Variants in PTPRD observed in about 807,000 individuals in gnomAD.
PTPRD encodes receptor-type tyrosine-protein phosphatase delta.
In PTPRD, 34 loss-of-function variants were observed where a neutral mutation model predicts 214.5. The ratio of observed to expected loss-of-function variants is 0.16; its 90% CI spans 0.12 to 0.21. The LOEUF (loss-of-function observed/expected upper bound fraction) is 0.21. Ranked by LOEUF, PTPRD falls within the 10% of genes least tolerant of loss-of-function variation. The probability of loss-of-function intolerance (pLI) is 1.00; values close to 1 mark genes in which losing one functional copy is unlikely to be tolerated. For synonymous variants in PTPRD, 1,128 were observed against 845.7 expected (o/e 1.33, Z -5.79); for missense variants, 2,545 against 2,398.7 (o/e 1.06, Z -1.27).
At chr9:9,644,195 G>T (rs752222342) in intron 7 of PTPRD, among the ~76,000 whole-genome samples, 3 of 152,074 alleles carry the variant, frequency 2.0e-5, no homozygotes, top group Non-Finnish European at 4.4e-5. Context: ...ATGCATTGTC[G>T]TAGCCTTATC....
At chr9:8,688,817 T>C (rs1004937407) in intron 12 of PTPRD, among the ~76,000 whole-genome samples, 4 of 152,278 alleles carry the variant, frequency 2.6e-5, no homozygotes, top group Admixed American at 2.6e-4. Flanking sequence ...ACATTCAGTC[T>C]CAATTTTCTC....
At chr9:8,854,344 G>C (rs1312888246) in intron 11 of PTPRD, among the ~76,000 whole-genome samples, 2 of 152,138 alleles carry the variant, frequency 1.3e-5, no homozygotes, top group African/African-American at 4.8e-5. Flanking sequence ...ACTAAGGAAG[G>C]ATAGTTTTAA....
At chr9:8,827,684 C>T (rs2097203958) in intron 11 of PTPRD, among the ~76,000 whole-genome samples, 1 of 152,086 alleles carries the variant, frequency 6.6e-6, no homozygotes, top group Non-Finnish European at 1.5e-5. Context: ...GTAATCAGCT[C>T]ATCATTTATA....
intron 11 of PTPRD, among the ~76,000 whole-genome samples, chr9:8,942,347 G>A (rs2099039249): frequency 6.6e-6 from 1 of 152,108 alleles, no homozygotes; most frequent in Non-Finnish European, 1.5e-5. Context: ...CTTTTGGCCA[G>A]TTCCACTGCT....
At chr9:9,095,610 G>A (rs560434217) in intron 10 of PTPRD, among the ~76,000 whole-genome samples, 6 of 152,136 alleles carry the variant, frequency 3.9e-5, no homozygotes, top group East Asian at 1.9e-4. Context: ...AATTATAGAC[G>A]AGCCACCACA....
At chr9:9,406,590 G>C (rs531986486) in intron 8 of PTPRD, among the ~76,000 whole-genome samples, 1 of 151,940 alleles carries the variant, frequency 6.6e-6, no homozygotes, top group East Asian at 1.9e-4. Flanking sequence ...ATAAGAGGGA[G>C]AATTTTGATA....
chr9:10,102,598 A>G (rs991518188), intron 3 of PTPRD, among the ~76,000 whole-genome samples: 1 of 151,714 alleles, frequency 6.6e-6, no homozygotes, highest in Non-Finnish European at 1.5e-5. Context: ...ATAAGATTCT[A>G]ATCAAATATT....
At chr9:9,482,468 T>C (rs1057457896) in intron 8 of PTPRD, among the ~76,000 whole-genome samples, 1 of 152,216 alleles carries the variant, frequency 6.6e-6, no homozygotes, top group African/African-American at 2.4e-5. Context: ...TACCCACACA[T>C]GCACCATTTG....
At chr9:8,998,720 T>G (rs541522890) in intron 11 of PTPRD, among the ~76,000 whole-genome samples, 1 of 152,070 alleles carries the variant, frequency 6.6e-6, no homozygotes, top group Non-Finnish European at 1.5e-5. Context: ...CTCTGATGGA[T>G]CTGAGCAAAG....
At chr9:8,453,202 C>A (rs138146860) in intron 33 of PTPRD, among the ~76,000 whole-genome samples, 1 of 152,162 alleles carries the variant, frequency 6.6e-6, no homozygotes, top group Non-Finnish European at 1.5e-5. Flanking sequence ...CCCACTCTGT[C>A]GCCCAGGCTG....
At chr9:9,916,681 C>CA (rs1330446501) in intron 5 of PTPRD, among the ~76,000 whole-genome samples, 1 of 151,762 alleles carries the variant, frequency 6.6e-6, no homozygotes, top group Non-Finnish European at 1.5e-5. Flanking sequence ...TTAGATCAGA[C>CA]AAAACAGAAA....
intron 10 of PTPRD, among the ~76,000 whole-genome samples, chr9:9,165,767 T>C (rs1267182475): frequency 2.0e-5 from 3 of 152,182 alleles, no homozygotes; most frequent in Non-Finnish European, 4.4e-5. Flanking sequence ...CAATGTGTGA[T>C]ATTAAAGGAT....
intron 3 of PTPRD, among the ~76,000 whole-genome samples, chr9:10,053,456 G>A (rs2097569005): frequency 6.6e-6 from 1 of 152,094 alleles, no homozygotes; most frequent in Admixed American, 6.6e-5. Context: ...TGAGGAACGT[G>A]AAATGTGATG....
At chr9:9,197,246 TA>T in intron 9 of PTPRD, among the ~76,000 whole-genome samples, 1 of 152,208 alleles carries the variant, frequency 6.6e-6, no homozygotes, top group East Asian at 1.9e-4. Context: ...GCCCAAATCC[TA>T]TAATATTAAT....
chr9:10,005,717 G>T (rs145349820), intron 4 of PTPRD, among the ~76,000 whole-genome samples: 6 of 151,852 alleles, frequency 4.0e-5, no homozygotes, highest in Admixed American at 3.9e-4. Flanking sequence ...AAGGTACCTC[G>T]TAATATATAT....
intron 10 of PTPRD, among the ~76,000 whole-genome samples, chr9:9,096,928 AG>A (rs1245507295): frequency 7.9e-5 from 12 of 152,174 alleles, no homozygotes; most frequent in Non-Finnish European, 1.6e-4. Context: ...CAAATGCTGA[AG>A]TCACTGCTTT....
intron 10 of PTPRD, among the ~76,000 whole-genome samples, chr9:9,124,832 C>T (rs902627124): frequency 1.2e-4 from 18 of 152,310 alleles, no homozygotes; most frequent in South Asian, 2.1e-4. Context: ...GCAATTTTCC[C>T]TATATTACAC....
intron 2 of PTPRD, among the ~76,000 whole-genome samples, chr9:10,584,416 G>A (rs151127199): frequency 1.6e-4 from 24 of 152,232 alleles, no homozygotes; most frequent in African/African-American, 5.8e-4. Context: ...AGAATTTGCA[G>A]TAGCCTCTAG....
intron 9 of PTPRD, among the ~76,000 whole-genome samples, chr9:9,364,199 G>T (rs2057186124): frequency 6.6e-6 from 1 of 151,302 alleles, no homozygotes; most frequent in Admixed American, 6.6e-5. Context: ...CTCTGTTGTG[G>T]AATTAGCTGC....
Sources: allele counts gnomAD v4.1 joint callset (sites outside exome capture counted in the v4.1 genomes callset), GRCh38; gene constraint gnomAD v4.1.1; transcripts MANE v1.5; gene names NCBI Gene and HGNC (gene_info 2026-07-23, HGNC 2026-07-21).